PPP1R36: variants seen among roughly 807,000 people sequenced by gnomAD.
The protein encoded by PPP1R36 is chromosome 14 open reading frame 50.
In PPP1R36, 47 loss-of-function variants were observed where a neutral mutation model predicts 53.4. The observed-to-expected ratio is 0.88, with a 90% CI of 0.70 to 1.12. The LOEUF (loss-of-function observed/expected upper bound fraction) is 1.12. PPP1R36 is among the 50% of genes most tolerant of loss of function. The probability of loss-of-function intolerance (pLI) is 0.00; values close to 1 mark genes in which losing one functional copy is unlikely to be tolerated. For synonymous variants in PPP1R36, 153 were observed against 170.5 expected (o/e 0.90, Z 0.80); for missense variants, 456 against 513.9 (o/e 0.89, Z 1.09).
intron 4 of PPP1R36, 52 bp from the exon 5 acceptor site, chr14:64,565,305 T>A: frequency 6.9e-6 from 9 of 1,296,630 alleles, no homozygotes; most frequent in Non-Finnish European, 9.8e-6. Flanking sequence ...ATAGATTAAA[T>A]ACAACTAAAA....
chr14:64,573,973 T>G (rs968967354), intron 7 of PPP1R36, among the ~76,000 whole-genome samples: 1 of 142,850 alleles, frequency 7.0e-6, no homozygotes, highest in African/African-American at 2.6e-5. Context: ...CTTGAGATGC[T>G]GATTCCAATG....
chr14:64,569,258 C>G (rs1054245624), intron 7 of PPP1R36, among the ~76,000 whole-genome samples: 1 of 152,176 alleles, frequency 6.6e-6, no homozygotes, highest in Non-Finnish European at 1.5e-5. Context: ...ACTTTCCACA[C>G]GCCAGGCTGC....
chr14:64,587,266 G>A lies in PPP1R36; in HGVS notation c.784G>A (p.Glu262Lys). ...TCAACACTTGACAGAGATTGAAGAA[G>A]AAGTAGGGAGACTCTTTCGTACCAA... ...RRQHLTEIEE[E>K]VGRLFRTNMF... is the part of the protein sequence containing the mutation. The change falls in exon 10 of 12, where the codon GAA (glutamate) becomes AAA (lysine). Residue 262 changes from glutamate to lysine, a missense_variant. Glu to Lys is a moderately conservative substitution (Grantham distance 56). Transcript: ENST00000298705. The A allele has an allele frequency of 6.2e-7, 1 of 1,613,608 alleles. No individual in the cohort carries two copies. Among genetic ancestry groups the A allele is most frequent in the East Asian group, 2.2e-5 (1 of 44,880 alleles).
chr14:64,582,862 T>A (rs1261897860), intron 8 of PPP1R36, among the ~76,000 whole-genome samples: 1 of 151,480 alleles, frequency 6.6e-6, no homozygotes, highest in African/African-American at 2.4e-5. Context: ...TTTGTTATTT[T>A]AATTTTTTAA....
At chr14:64,563,467 AG>A (rs201027819) in intron 3 of PPP1R36, among the ~76,000 whole-genome samples, 2 of 150,878 alleles carry the variant, frequency 1.3e-5, no homozygotes, top group Admixed American at 1.3e-4. Context: ...AAAAAAAAAA[AG>A]AAAGAAAAGA....
At chr14:64,583,751 TTGCGGTGAGCCAAGATCG>T (rs140261985) in intron 8 of PPP1R36, among the ~76,000 whole-genome samples, 14,105 of 142,432 alleles carry the variant, frequency 0.099, 896 homozygotes, top group Non-Finnish European at 0.15. Context: ...GAGGCAGAGG[TTGCGGTGAGCCAAGATCG>T]TGCCATTGCA....
chr14:64,587,819 C>T (rs1281565863), intron 10 of PPP1R36, among the ~76,000 whole-genome samples: 1 of 151,938 alleles, frequency 6.6e-6, no homozygotes, highest in Non-Finnish European at 1.5e-5. Flanking sequence ...AAGGCAGTGG[C>T]ATGATCACAG....
At chr14:64,553,293 C>G (rs111530941) in intron 3 of PPP1R36, among the ~76,000 whole-genome samples, 2,072 of 152,206 alleles carry the variant, frequency 0.014, 48 homozygotes, top group African/African-American at 0.048. Flanking sequence ...GCTAATCTAA[C>G]GACCCACCCC....
intron 10 of PPP1R36, 113 bp from the exon 11 acceptor site, chr14:64,587,991 G>T (rs538978015): frequency 3.0e-6 from 3 of 999,070 alleles, no homozygotes; most frequent in Non-Finnish European, 4.4e-6. Context: ...TGATCCTCCC[G>T]CCTTGATCTC....
chr14:64,588,504 G>A, intron 11 of PPP1R36: 1 of 412,816 alleles, frequency 2.4e-6, no homozygotes, highest in Non-Finnish European at 4.3e-6. Flanking sequence ...ACAATTGCTA[G>A]AAAGTGGTGC....
At chr14:64,586,377 A>C (rs1010056286) in intron 8 of PPP1R36, 1 of 153,544 alleles carries the variant, frequency 6.5e-6, no homozygotes, top group Non-Finnish European at 1.4e-5. Context: ...TGCCGTTCTC[A>C]GTCTATTGGT....
chr14:64,578,110 A>C (rs1376125449), intron 8 of PPP1R36, among the ~76,000 whole-genome samples: 2 of 150,796 alleles, frequency 1.3e-5, no homozygotes, highest in Non-Finnish European at 2.9e-5. Context: ...CTCTGCTACC[A>C]CGCCTGGCTA....
At chr14:64,565,521 A>ACTC in intron 5 of PPP1R36, 67 bp downstream of exon 5, 1 of 1,428,784 alleles carries the variant, frequency 7.0e-7, no homozygotes, top group Non-Finnish European at 9.9e-7. Flanking sequence ...ATCCATACAT[A>ACTC]AACATCCGCC....
chr14:64,587,542 C>T (rs1453835624), intron 10 of PPP1R36, among the ~76,000 whole-genome samples, 170 bp downstream of exon 10: 14 of 134,930 alleles, frequency 1.0e-4, no homozygotes, highest in Non-Finnish European at 1.5e-5. Context: ...CTTACTGCAA[C>T]GTCCGACTCC....
In PPP1R36 at chr14:64,587,131, G is replaced by C. The variant is rs1596751233; in HGVS notation, c.712-63G>C. 3.1e-6 allele frequency: 4 copies of C among 1,291,054 alleles called. No individual in the cohort carries two copies. The South Asian group carries it at 5.6e-5, about 18-fold the overall frequency. The allele number at this position is 1,291,054 out of a possible 1,614,324, so 80.0% of individuals were successfully genotyped here. ...TGTGTCTGCTTAGCTGTGTTATACA[G>C]ACAGGTAAGAGTTTTCCATTTCACA... On this transcript the variant is annotated intron_variant, in intron 9 of 11. Coordinates refer to ENST00000298705, the MANE Select transcript of PPP1R36 (RefSeq NM_172365.3).
intron 8 of PPP1R36, chr14:64,586,296 T>C (rs1209835742): frequency 2.0e-5 from 3 of 152,350 alleles, no homozygotes; most frequent in African/African-American, 7.2e-5. Flanking sequence ...AACATTGAAT[T>C]TGTGTTGCAA....
intron 2 of PPP1R36, chr14:64,551,693 T>C (rs886543075): frequency 7.9e-5 from 36 of 455,876 alleles, no homozygotes; most frequent in Admixed American, 1.2e-4. Flanking sequence ...AGCCAGTAAG[T>C]AGCAGAACTG....
At chr14:64,559,831 T>C (rs1293068291) in intron 3 of PPP1R36, among the ~76,000 whole-genome samples, 1 of 152,064 alleles carries the variant, frequency 6.6e-6, no homozygotes, top group Non-Finnish European at 1.5e-5. Flanking sequence ...GGCCCGGGTG[T>C]GGTGGCTCAC....
intron 8 of PPP1R36, among the ~76,000 whole-genome samples, chr14:64,579,944 T>C (rs2080374513): frequency 6.6e-6 from 1 of 151,762 alleles, no homozygotes; most frequent in Non-Finnish European, 1.5e-5. Flanking sequence ...CACTCCAGCC[T>C]GGGCGACAGA....
Sources: allele counts gnomAD v4.1 joint callset (sites outside exome capture counted in the v4.1 genomes callset), GRCh38; gene constraint gnomAD v4.1.1; transcripts MANE v1.5; gene names NCBI Gene and HGNC (gene_info 2026-07-23, HGNC 2026-07-21).